The following UBE4B variants were observed in gnomAD, a reference collection of about 807,000 sequenced individuals.
The protein encoded by UBE4B is ubiquitin conjugation factor E4 B.
A neutral mutation model predicts 148.1 loss-of-function variants in UBE4B; 27 were observed. That is an observed-to-expected ratio of 0.18 (90% confidence interval 0.13 to 0.25). The LOEUF (loss-of-function observed/expected upper bound fraction) is 0.25. Ranked by LOEUF, UBE4B falls within the 10% of genes least tolerant of loss-of-function variation. UBE4B has a pLI of 1.00. For missense variants in UBE4B, 1,170 were observed against 1,662.4 expected (o/e 0.70, Z 5.15); for synonymous variants, 596 against 619.3 (o/e 0.96, Z 0.56).
rs931862957 is a variant in UBE4B, at chr1:10,180,019, G to A, written c.*63G>A. 1.9e-5 allele frequency: 31 copies of A among 1,604,100 alleles called. No homozygotes were observed. The highest frequency in any genetic ancestry group is 4.4e-5 in the South Asian group (4 of 90,536). ...GGCCAACGAGGCAAGCAGAAGCAGC[G>A]GCCGCAGCGAAGCTGCCGTTCATGT... On this transcript the variant is annotated 3_prime_UTR_variant, in exon 28 of 28. Coordinates refer to ENST00000343090, the MANE Select transcript of UBE4B (RefSeq NM_001105562.3).
chr1:10,113,345 C>T (rs757101050), intron 7 of UBE4B, among the ~76,000 whole-genome samples: 2 of 152,240 alleles, frequency 1.3e-5, no homozygotes, highest in South Asian at 2.1e-4. Flanking sequence ...TCACCTCCCA[C>T]TAGGCCCGTG....
intron 1 of UBE4B, among the ~76,000 whole-genome samples, chr1:10,064,747 C>T (rs1159210230): frequency 2.6e-5 from 4 of 151,882 alleles, no homozygotes; most frequent in Non-Finnish European, 5.9e-5. Flanking sequence ...TAACTTTTCC[C>T]TCAACTTTCT....
chr1:10,135,209 G>A lies in UBE4B; in HGVS notation c.2224+23G>A, dbSNP rs374463484. 62 of 1,600,530 alleles carry A rather than the reference G, an allele frequency of 3.9e-5. No homozygotes were observed. In the African/African-American group the frequency reaches 5.2e-4, roughly 13 times the overall value. On this transcript the variant is annotated intron_variant, in intron 16 of 27. Transcript: ENST00000343090. ...TCTGTGAGTACTGTGTTCGTGACTC[G>A]GTCATTAAAACACTGCCCTCTTGTC...
At position 10,158,497 on chromosome 1, in the gene UBE4B, C is replaced by G. The variant is rs1646109175; in HGVS notation, c.3053+15C>G. 6.2e-7 allele frequency: 1 copy of G among 1,607,950 alleles called. No individual in the cohort carries two copies. The highest frequency in any genetic ancestry group is 8.5e-7 in the Non-Finnish European group (1 of 1,176,832). On this transcript the variant is annotated intron_variant, in intron 22 of 27. Transcript: ENST00000343090. The stretch of plus-strand genomic sequence containing the variant: ...GAGGAGTTCAAGTGAGTATGGGGCC[C>G]CTCGTGTCACAACTTGCTTTCTTGC...
intron 3 of UBE4B, among the ~76,000 whole-genome samples, chr1:10,097,639 G>A (rs565859390): frequency 1.2e-4 from 18 of 152,082 alleles, no homozygotes; most frequent in African/African-American, 4.1e-4. Flanking sequence ...TTGAAACCCC[G>A]TATCTACTAA....
chr1:10,079,086 T>G (rs570796814), intron 2 of UBE4B, among the ~76,000 whole-genome samples: 1 of 152,320 alleles, frequency 6.6e-6, no homozygotes, highest in South Asian at 2.1e-4. Context: ...CTCAAAGTAT[T>G]GGGATTACAG....
rs1258273449 is a variant in UBE4B, at chr1:10,168,300, G to A, written c.3333+30G>A. On this transcript the variant is annotated intron_variant, in intron 24 of 27. Transcript: ENST00000343090. This position sits in a 1 kb window ranked among gnomAD's most constrained non-coding sequence, Gnocchi z 4.9. ...GTAGAAACCCGGGGCTCTGTTTGGT[G>A]GTTTGGACTCCACATTCAGACTCTC... 1 of 1,610,756 alleles carries A rather than the reference G, an allele frequency of 6.2e-7. No individual in the cohort carries two copies. Among genetic ancestry groups the A allele is most frequent in the Non-Finnish European group, 8.5e-7 (1 of 1,178,438 alleles).
intron 17 of UBE4B, among the ~76,000 whole-genome samples, chr1:10,144,161 A>G (rs982832983): frequency 4.6e-5 from 7 of 152,320 alleles, no homozygotes; most frequent in South Asian, 2.1e-4. Context: ...TTGAGCAGAC[A>G]CCTGAGGGGA....
chr1:10,041,644 G>A (rs984753683), intron 1 of UBE4B, among the ~76,000 whole-genome samples: 3 of 151,890 alleles, frequency 2.0e-5, no homozygotes, highest in African/African-American at 7.3e-5. Flanking sequence ...CACATTTATA[G>A]CATTCTTACG....
chr1:10,056,609 A>G (rs148276738), intron 1 of UBE4B, among the ~76,000 whole-genome samples: 76 of 152,320 alleles, frequency 5.0e-4, no homozygotes, highest in African/African-American at 1.7e-3. Flanking sequence ...TCTGATGACT[A>G]TTTTATAAGA....
At chr1:10,046,224 G>A (rs565747137) in intron 1 of UBE4B, among the ~76,000 whole-genome samples, 2 of 152,306 alleles carry the variant, frequency 1.3e-5, no homozygotes, top group East Asian at 3.9e-4. Flanking sequence ...TGGGAAGGCT[G>A]AGAAATAGTT....
At chr1:10,071,210 G>A (rs1210143097) in intron 1 of UBE4B, among the ~76,000 whole-genome samples, 1 of 152,092 alleles carries the variant, frequency 6.6e-6, no homozygotes, top group Non-Finnish European at 1.5e-5. Context: ...TGGCCAATTG[G>A]CTATTTATTT....
chr1:10,172,283 A>G (rs765221276), intron 25 of UBE4B, among the ~76,000 whole-genome samples: 3 of 152,114 alleles, frequency 2.0e-5, no homozygotes, highest in Non-Finnish European at 4.4e-5. Flanking sequence ...CTCATTTTCA[A>G]CGTCCTCACA....
intron 1 of UBE4B, among the ~76,000 whole-genome samples, chr1:10,052,206 A>G (rs1460613777): frequency 6.6e-6 from 1 of 151,682 alleles, no homozygotes; most frequent in Non-Finnish European, 1.5e-5. Flanking sequence ...AGCTGGGACT[A>G]TAGGTGCATG....
chr1:10,088,657 C>T (rs1414842116), intron 2 of UBE4B, among the ~76,000 whole-genome samples: 1 of 151,876 alleles, frequency 6.6e-6, no homozygotes, highest in Non-Finnish European at 1.5e-5. Context: ...AGGTGTGAGC[C>T]ACCACGCCTG....
At chr1:10,154,778 G>C (rs1646039767) in intron 21 of UBE4B, among the ~76,000 whole-genome samples, 1 of 151,848 alleles carries the variant, frequency 6.6e-6, no homozygotes, top group African/African-American at 2.4e-5. Flanking sequence ...GGAGGCAGAG[G>C]TTGCAGTGAG....
intron 1 of UBE4B, among the ~76,000 whole-genome samples, chr1:10,043,341 T>C (rs1242894146): frequency 6.6e-6 from 1 of 151,708 alleles, no homozygotes; most frequent in East Asian, 1.9e-4. Context: ...AGATCTCAAC[T>C]GTTTTTCAAT....
chr1:10,072,600 T>C, intron 2 of UBE4B: 1 of 670,260 alleles, frequency 1.5e-6, no homozygotes, highest in South Asian at 1.7e-5. Flanking sequence ...AATTGCAGAT[T>C]TCCTCGTCTT....
chr1:10,085,812 CAG>C (rs1292449388), intron 2 of UBE4B, among the ~76,000 whole-genome samples: 1 of 151,870 alleles, frequency 6.6e-6, no homozygotes, highest in Non-Finnish European at 1.5e-5. Context: ...TTCTTTGAGA[CAG>C]AGTCTCGCCC....
Sources: allele counts gnomAD v4.1 joint callset (sites outside exome capture counted in the v4.1 genomes callset), GRCh38; gene constraint gnomAD v4.1.1; non-coding constraint Gnocchi (gnomAD v3.1); transcripts MANE v1.5; gene names NCBI Gene and HGNC (gene_info 2026-07-23, HGNC 2026-07-21).